Variants in BICD1 observed in about 807,000 individuals in gnomAD.
The protein encoded by BICD1 is protein bicaudal D homolog 1.
BICD1 carries 35 observed loss-of-function variants against 92.5 expected under a neutral mutation model. That is an observed-to-expected ratio of 0.38 (90% CI 0.29 to 0.50). BICD1 has a LOEUF of 0.50. Ranked by LOEUF, BICD1 falls within the 20% of genes least tolerant of loss-of-function variation. The pLI is 0.93. For synonymous variants in BICD1, 429 were observed against 465.1 expected, an observed-to-expected ratio of 0.92 and a Z score of 1.00; for missense variants, 950 against 1,189.8, an observed-to-expected ratio of 0.80 and a Z score of 2.97.
chr12:32,111,955 C>CACAT (rs1391538663), intron 1 of BICD1, among the ~76,000 whole-genome samples: 1 of 150,818 alleles, frequency 6.6e-6, no homozygotes, highest in Non-Finnish European at 1.5e-5. Flanking sequence ...CGCTTTCAAT[C>CACAT]ACATTTCTTT....
intron 1 of BICD1, among the ~76,000 whole-genome samples, chr12:32,146,326 T>G (rs1943102174): frequency 6.6e-6 from 1 of 152,218 alleles, no homozygotes; most frequent in Non-Finnish European, 1.5e-5. Flanking sequence ...GGTGATATCA[T>G]GAGCTCAGAT....
At chr12:32,334,751 A>G in intron 6 of BICD1, 84 bp downstream of exon 6, 1 of 1,467,614 alleles carries the variant, frequency 6.8e-7, no homozygotes, top group South Asian at 1.4e-5. Flanking sequence ...GTGCATGTTG[A>G]GTGTATTCGG....
chr12:32,292,976 C>G (rs1394177818), intron 2 of BICD1, among the ~76,000 whole-genome samples: 1 of 151,948 alleles, frequency 6.6e-6, no homozygotes, highest in Non-Finnish European at 1.5e-5. Flanking sequence ...TGATTTATAT[C>G]CTGTAACTTT....
chr12:32,361,668 G>A (rs1421353737), intron 8 of BICD1, among the ~76,000 whole-genome samples: 2 of 152,166 alleles, frequency 1.3e-5, no homozygotes, highest in Non-Finnish European at 2.9e-5. Flanking sequence ...AGCATCCGGA[G>A]GTTGTTTATG....
chr12:32,347,280 A>G (rs530909156), intron 8 of BICD1, among the ~76,000 whole-genome samples: 2 of 151,926 alleles, frequency 1.3e-5, no homozygotes, highest in African/African-American at 4.8e-5. Flanking sequence ...GACATAGACC[A>G]AAGTGCTATT....
intron 9 of BICD1, among the ~76,000 whole-genome samples, chr12:32,375,420 C>T (rs1267692535): frequency 2.0e-5 from 3 of 152,070 alleles, no homozygotes; most frequent in Non-Finnish European, 4.4e-5. Flanking sequence ...ATCCCAGCTA[C>T]TCGGGAGGCT....
At chr12:32,186,234 G>GGT (rs926987915) in intron 1 of BICD1, among the ~76,000 whole-genome samples, 83 of 152,218 alleles carry the variant, frequency 5.5e-4, no homozygotes, top group African/African-American at 1.9e-3. Flanking sequence ...TTACTAGAGT[G>GGT]GTGTACATTC....
intron 1 of BICD1, among the ~76,000 whole-genome samples, chr12:32,111,779 T>G (rs1257070842): frequency 6.6e-6 from 1 of 151,276 alleles, no homozygotes; most frequent in Non-Finnish European, 1.5e-5. Context: ...GGCTAATTTT[T>G]CGTATTTTTA....
intron 3 of BICD1, among the ~76,000 whole-genome samples, chr12:32,298,182 C>A (rs371545662): frequency 9.4e-4 from 124 of 132,076 alleles, no homozygotes; most frequent in Admixed American, 1.3e-3. Context: ...GACCCTGTCT[C>A]AAAAAAAAAA....
chr12:32,140,200 G>A (rs1309574410), intron 1 of BICD1, among the ~76,000 whole-genome samples: 1 of 152,122 alleles, frequency 6.6e-6, no homozygotes, highest in Non-Finnish European at 1.5e-5. Flanking sequence ...GATCCTCTGG[G>A]CTTCTTCCAA....
At chr12:32,198,110 C>T (rs1024772475) in intron 1 of BICD1, among the ~76,000 whole-genome samples, 2 of 151,708 alleles carry the variant, frequency 1.3e-5, no homozygotes, top group African/African-American at 4.8e-5. Flanking sequence ...GTGGCTGAGG[C>T]AAGAGAATCG....
intron 1 of BICD1, among the ~76,000 whole-genome samples, chr12:32,175,808 A>G (rs913041333): frequency 1.2e-4 from 19 of 152,220 alleles, no homozygotes; most frequent in African/African-American, 4.3e-4. Context: ...ACTGTAATGT[A>G]ACGATAGATG....
At chr12:32,348,090 A>G (rs891765369) in intron 8 of BICD1, among the ~76,000 whole-genome samples, 3 of 152,162 alleles carry the variant, frequency 2.0e-5, no homozygotes, top group African/African-American at 7.2e-5. Context: ...CCATGGTCCT[A>G]TTCGTGTTTT....
chr12:32,172,049 G>C (rs1943961293), intron 1 of BICD1, among the ~76,000 whole-genome samples: 1 of 151,288 alleles, frequency 6.6e-6, no homozygotes, highest in Admixed American at 6.6e-5. Flanking sequence ...TTGTTTCTTT[G>C]CATCAATTTT....
rs1275656132 is a variant in BICD1 at position 32,216,399 on chromosome 12, G to A, written c.366G>A (p.Val122=). 5 of 1,614,006 alleles carry A rather than the reference G, an allele frequency of 3.1e-6. No homozygotes were observed. The Admixed American group carries it at 8.3e-5, about 27-fold the overall frequency. ...MQNELKQSRA[V]VTNVQAENER... ...ACGAGCTGAAACAGAGCCGGGCTGT[G>A]GTCACTAATGTACAGGCAGAAAACG... is the stretch of plus-strand genomic sequence containing the variant. The change falls in exon 2 of 10, where the codon GTG becomes GTA. Residue 122 remains valine, a synonymous_variant. Coordinates refer to ENST00000652176, the MANE Select transcript of BICD1 (RefSeq NM_001714.4).
intron 1 of BICD1, among the ~76,000 whole-genome samples, chr12:32,129,732 C>G (rs1187164336): frequency 6.6e-6 from 1 of 152,008 alleles, no homozygotes; most frequent in Non-Finnish European, 1.5e-5. Context: ...ACCCTGTACC[C>G]TTTTCTTTCT....
intron 2 of BICD1, among the ~76,000 whole-genome samples, chr12:32,225,336 G>A (rs186736144): frequency 6.2e-4 from 95 of 152,280 alleles, no homozygotes; most frequent in Middle Eastern, 3.4e-3. Context: ...TAGATACATT[G>A]TGGTTGCATT....
In BICD1 at chr12:32,327,411, T is replaced by C. The variant is rs759294525; in HGVS notation, c.1006-50T>C. The stretch of plus-strand genomic sequence containing the variant: ...CCCGACTGTGAATGGATTAAGTTCA[T>C]CATTGGTGCTGCCTTGAGGTGATTC... On this transcript the variant is annotated intron_variant, in intron 4 of 9. Transcript: ENST00000652176. 6 of 1,539,546 alleles carry C rather than the reference T, an allele frequency of 3.9e-6. No individual in the cohort carries two copies. The South Asian group carries it at 6.4e-5, about 16-fold the overall frequency.
chr12:32,314,929 T>C (rs1948461519), intron 4 of BICD1, among the ~76,000 whole-genome samples: 1 of 152,152 alleles, frequency 6.6e-6, no homozygotes, highest in African/African-American at 2.4e-5. Context: ...TACAGGCGCA[T>C]GCCACTATGC....
Sources: gnomAD v4.1 joint callset for allele counts (sites outside exome capture counted in the v4.1 genomes callset) on GRCh38, gnomAD v4.1.1 for gene constraint, MANE v1.5 for transcripts, NCBI Gene and HGNC (gene_info 2026-07-23, HGNC 2026-07-21) for gene names.